The following CDKL3 variants were observed in gnomAD, a reference collection of about 807,000 sequenced individuals.
The protein encoded by CDKL3 is cyclin-dependent kinase-like 3.
CDKL3 carries 65 observed loss-of-function variants against 69.3 expected under a neutral mutation model. The ratio of observed to expected loss-of-function variants is 0.94; its 90% CI spans 0.77 to 1.15. The LOEUF (loss-of-function observed/expected upper bound fraction) is 1.15, where lower values mean the gene tolerates loss of function less well. CDKL3 is among the 50% of genes most tolerant of loss of function. The pLI, the probability that CDKL3 is intolerant of heterozygous loss-of-function variation, is 0.00. For synonymous variants in CDKL3, 202 were observed against 221.6 expected (o/e 0.91, Z 0.79); for missense variants, 652 against 689.2 (o/e 0.95, Z 0.61).
chr5:134,315,770 C>T (rs908346623), intron 6 of CDKL3, among the ~76,000 whole-genome samples: 10 of 152,140 alleles, frequency 6.6e-5, no homozygotes, highest in African/African-American at 2.4e-4. Flanking sequence ...GAGGATTGGT[C>T]GAGCTCAGGA....
At chr5:134,370,361 C>T (rs1266938113), upstream of CDKL3, among the ~76,000 whole-genome samples, 1 of 152,172 alleles carries the variant, frequency 6.6e-6, no homozygotes, top group Non-Finnish European at 1.5e-5. Context: ...TGGTGGGGGG[C>T]CCTTCTGGCC....
At chr5:134,332,751 T>C (rs1041970560) in intron 4 of CDKL3, among the ~76,000 whole-genome samples, 1 of 152,216 alleles carries the variant, frequency 6.6e-6, no homozygotes, top group East Asian at 1.9e-4. Context: ...TTGTTCTTTT[T>C]GCTTAGGATT....
At chr5:134,316,271 T>TA (rs956084847) in intron 6 of CDKL3, among the ~76,000 whole-genome samples, 19 of 151,900 alleles carry the variant, frequency 1.3e-4, no homozygotes, top group East Asian at 7.7e-4. Context: ...TAATTTCTCC[T>TA]AAAAAAAATA....
At position 134,360,044 on chromosome 5, in the gene CDKL3, C is replaced by A. The variant is rs1049188663; in HGVS notation, c.213G>T (p.Gln71His). 2 of 1,552,016 alleles carry A rather than the reference C, an allele frequency of 1.3e-6. No homozygotes were observed. The highest frequency in any genetic ancestry group is 2.0e-5 in the Admixed American group (1 of 50,484). ...CAAATACCAAATGAATTTTCTTTTT[C>A]TGTCTAAAAACTTCAATCAGATTGA... ...NLVNLIEVFR[Q>H]KKKIHLVFEF... The change falls in exon 3 of 13, where the codon CAG (glutamine) becomes CAT (histidine). Residue 71 changes from glutamine (Q) to histidine (H), a missense_variant. By Grantham distance (24) the Gln-to-His change is conservative (BLOSUM62 0). Coordinates refer to ENST00000265334, the MANE Select transcript of CDKL3 (RefSeq NM_001113575.2).
chr5:134,340,254 A>T (rs919534150), intron 4 of CDKL3, among the ~76,000 whole-genome samples: 2 of 152,226 alleles, frequency 1.3e-5, no homozygotes, highest in African/African-American at 4.8e-5. Context: ...GGAAATGTAT[A>T]GCTGTAATGC....
chr5:134,355,330 A>C (rs1256708794), intron 3 of CDKL3, among the ~76,000 whole-genome samples: 2 of 152,120 alleles, frequency 1.3e-5, no homozygotes, highest in Non-Finnish European at 2.9e-5. Context: ...ATAATCACAC[A>C]AATATAAAAT....
At chr5:134,346,922 T>C (rs1422670055) in intron 4 of CDKL3, among the ~76,000 whole-genome samples, 2 of 152,214 alleles carry the variant, frequency 1.3e-5, no homozygotes, top group African/African-American at 2.4e-5. Context: ...AGGTCACCTG[T>C]TGGAGCCAAT....
At chr5:134,334,271 A>AT (rs1241271969) in intron 4 of CDKL3, among the ~76,000 whole-genome samples, 9 of 151,920 alleles carry the variant, frequency 5.9e-5, no homozygotes, top group South Asian at 4.2e-4. Flanking sequence ...GGAATCATTG[A>AT]TTTTTTTTGA....
chr5:134,340,238 A>G (rs567237624), intron 4 of CDKL3, among the ~76,000 whole-genome samples: 1 of 152,340 alleles, frequency 6.6e-6, no homozygotes, highest in East Asian at 1.9e-4. Flanking sequence ...GCAGTAAAGC[A>G]GAGAGGGAAA....
At chr5:134,317,364 GACCTCAGGTGATCCACCC>G (rs1198790778) in intron 6 of CDKL3, among the ~76,000 whole-genome samples, 6 of 152,068 alleles carry the variant, frequency 3.9e-5, no homozygotes, top group Non-Finnish European at 8.8e-5. Flanking sequence ...TTGAACTCCT[GACCTCAGGTGATCCACCC>G]ACCTCAGGTG....
rs1185014184 is a variant in CDKL3 at position 134,306,650 on chromosome 5, C to A, written c.1417G>T (p.Val473Phe). Residue 473 changes from valine to phenylalanine, a missense_variant, in exon 10 of 13, where the codon GTT (valine) becomes TTT (phenylalanine). By Grantham distance (50) the Val-to-Phe change is conservative. Coordinates refer to ENST00000265334, the MANE Select transcript of CDKL3 (RefSeq NM_001113575.2). ...TCCTCTTGCCTGCTATTAGGCATAA[C>A]TTGTCCAATAGATTGTGAAGAAGTG... ...RRTSSQSIGQVMPNSRQEDPG... is the reference protein window; with the variant it reads ...RRTSSQSIGQFMPNSRQEDPG... The A allele has an allele frequency of 6.3e-7, 1 of 1,586,802 alleles. No individual in the cohort carries two copies.
At chr5:134,303,638 G>A (rs1056422724) in intron 11 of CDKL3, among the ~76,000 whole-genome samples, 2 of 151,628 alleles carry the variant, frequency 1.3e-5, no homozygotes, top group African/African-American at 2.4e-5. Context: ...GAGGTCAGGA[G>A]TTCGAAATCA....
At chr5:134,349,325 T>C (rs1581166568) in intron 4 of CDKL3, among the ~76,000 whole-genome samples, 1 of 152,312 alleles carries the variant, frequency 6.6e-6, no homozygotes, top group Middle Eastern at 3.4e-3. Context: ...CTCTTTATGC[T>C]CAAGATTGAT....
At chr5:134,290,311 C>T (rs78698739) in intron 8 of CDKL3, among the ~76,000 whole-genome samples, 18,159 of 141,516 alleles carry the variant, frequency 0.13, 1,369 homozygotes, top group South Asian at 0.2. Context: ...GCCGAGATTG[C>T]GCCACTGTAC....
intron 8 of CDKL3, among the ~76,000 whole-genome samples, chr5:134,290,074 G>C (rs537965850): frequency 2.4e-4 from 37 of 152,074 alleles, no homozygotes; most frequent in Non-Finnish European, 5.0e-4. Flanking sequence ...ACTTTGCCTT[G>C]GCCAGGCGCA....
intron 4 of CDKL3, among the ~76,000 whole-genome samples, chr5:134,333,995 A>G (rs964407435): frequency 1.3e-5 from 2 of 152,076 alleles, no homozygotes; most frequent in African/African-American, 4.8e-5. Context: ...AGAACCTGTT[A>G]TTGGTCTATT....
At chr5:134,347,857 T>A (rs536699560) in intron 4 of CDKL3, among the ~76,000 whole-genome samples, 204 of 152,296 alleles carry the variant, frequency 1.3e-3, no homozygotes, top group African/African-American at 4.8e-3. Context: ...GGAGTTTATC[T>A]AGGCCTGGAA....
intron 4 of CDKL3, among the ~76,000 whole-genome samples, chr5:134,325,842 G>C (rs1172380244): frequency 2.0e-5 from 3 of 151,612 alleles, no homozygotes; most frequent in Non-Finnish European, 4.4e-5. Flanking sequence ...CGGCTGACTG[G>C]AGGCTTGGCC....
At chr5:134,362,242 C>G (rs1756216197) in intron 2 of CDKL3, among the ~76,000 whole-genome samples, 1 of 152,024 alleles carries the variant, frequency 6.6e-6, no homozygotes, top group African/African-American at 2.4e-5. Context: ...TAGTTTGGGT[C>G]AGGCCGGTGG....
Sources: allele counts gnomAD v4.1 joint callset (sites outside exome capture counted in the v4.1 genomes callset), GRCh38; gene constraint gnomAD v4.1.1; transcripts MANE v1.5; gene names NCBI Gene and HGNC (gene_info 2026-07-23, HGNC 2026-07-21).